TEX9: variants seen among roughly 807,000 people sequenced by gnomAD.
TEX9 encodes the protein testis-expressed protein 9.
TEX9 carries 74 observed loss-of-function variants against 59.6 expected under a neutral mutation model. The observed-to-expected ratio is 1.24, with a 90% CI of 1.03 to 1.51. The LOEUF is 1.51. Among genes scored for constraint, TEX9 ranks in the 40% most tolerant of loss-of-function variants. TEX9 has a pLI of 0.00. For missense variants in TEX9, 522 were observed against 447.8 expected (o/e 1.17, Z -1.49); for synonymous variants, 186 against 152.2 (o/e 1.22, Z -1.64).
chr15:56,315,025 A>T (rs1314634165), intron 1 of TEX9, among the ~76,000 whole-genome samples: 160 of 150,652 alleles, frequency 1.1e-3, no homozygotes, highest in Non-Finnish European at 1.8e-3. Context: ...CCATCCTTTT[A>T]TTTTGAGCCT....
chr15:56,458,557 T>C, the TEX9 span, among the ~76,000 whole-genome samples: 1 of 64,652 alleles, frequency 1.5e-5, no homozygotes, highest in South Asian at 6.9e-4. Context: ...CATATGTATC[T>C]ACCGTACACA....
At chr15:56,438,671 G>A (rs1041502820) in intron 12 of TEX9, among the ~76,000 whole-genome samples, 9 of 152,104 alleles carry the variant, frequency 5.9e-5, no homozygotes, top group South Asian at 2.1e-4. Context: ...AAGAGCTTCC[G>A]CACAGCAAAA....
downstream of TEX9, chr15:56,447,130 T>C: frequency 2.0e-6 from 1 of 512,738 alleles, no homozygotes; most frequent in Non-Finnish European, 3.5e-6. Context: ...GCTTACATTT[T>C]CTGGTTGAAA....
At chr15:56,395,671 T>C (rs149722122) in intron 9 of TEX9, 79 of 152,286 alleles carry the variant, frequency 5.2e-4, no homozygotes, top group African/African-American at 1.8e-3. Flanking sequence ...ATACTGCAAG[T>C]GTAAAAGGGT....
intron 1 of TEX9, among the ~76,000 whole-genome samples, chr15:56,260,937 T>C (rs2044251792): frequency 6.6e-6 from 1 of 151,964 alleles, no homozygotes; most frequent in Non-Finnish European, 1.5e-5. Flanking sequence ...TTTTATTTCT[T>C]TTAATTTTTC....
At position 56,373,524 on chromosome 15, in the gene TEX9, TTAA is replaced by T. The variant is rs767428384; in HGVS notation, c.183+25_183+27del. 7.9e-6 allele frequency: 12 copies of T among 1,514,916 alleles called. No individual in the cohort carries two copies. Among genetic ancestry groups the T allele is most frequent in the Middle Eastern group, 2.2e-4 (1 of 4,532 alleles). The allele number at this position is 1,514,916 out of a possible 1,614,324, so 93.8% of individuals were successfully genotyped here. A position where few individuals can be genotyped will look rare whatever the true frequency, so the allele number is the denominator to read the frequency against. On this transcript the variant is annotated intron_variant, in intron 3 of 12. Transcript: ENST00000352903. Reference sequence around the variant, plus strand: ...ATAATAGTAAGTATATGTACAATTATTAATAATTCTATATAAATGCTAGTTTTT... The same window carrying T: ...ATAATAGTAAGTATATGTACAATTATTAATTCTATATAAATGCTAGTTTTT...
At chr15:56,350,043 C>T (rs1256389662) in intron 1 of TEX9, among the ~76,000 whole-genome samples, 1 of 151,992 alleles carries the variant, frequency 6.6e-6, no homozygotes, top group East Asian at 1.9e-4. Flanking sequence ...TGTCATAGGT[C>T]CCGGTGTCAT....
chr15:56,246,933 T>C (rs370230347), intron 1 of TEX9, among the ~76,000 whole-genome samples: 21 of 152,318 alleles, frequency 1.4e-4, no homozygotes, highest in African/African-American at 4.1e-4. Context: ...TGAAAAGTTA[T>C]AGGTAAACCA....
chr15:56,457,411 C>G, the TEX9 span, among the ~76,000 whole-genome samples: 2 of 152,116 alleles, frequency 1.3e-5, no homozygotes, highest in Non-Finnish European at 1.5e-5. Context: ...ATTGGAATGG[C>G]TAAAACAAAA....
chr15:56,295,623 A>T (rs2141530584), intron 1 of TEX9, among the ~76,000 whole-genome samples: 1 of 152,316 alleles, frequency 6.6e-6, no homozygotes, highest in Admixed American at 6.5e-5. Context: ...TTGCCTTTGT[A>T]CCTAAAGGAG....
intron 9 of TEX9, chr15:56,408,897 C>CT (rs2049208779): frequency 6.6e-6 from 1 of 152,200 alleles, no homozygotes; most frequent in South Asian, 2.1e-4. Flanking sequence ...CAGAGTAATC[C>CT]TTATAAAATT....
rs140768594 is a variant in TEX9 at position 56,269,858 on chromosome 15, G to A, written c.-107+25580G>A. Among the ~76,000 whole-genome samples, 1,446 of 151,862 alleles carry A rather than the reference G, an allele frequency of 9.5e-3. 10 individuals are homozygous for A. The highest frequency in any genetic ancestry group is 0.034 in the Middle Eastern group (10 of 294). On this transcript the variant is annotated intron_variant, in intron 1 of 5. Coordinates refer to the TEX9 transcript ENST00000560827. ...TTTTTAGTAGAGATGGGGTTTCACC[G>A]TGTTAGCCAGGATGGTCTCAAACTC...
chr15:56,393,212 C>T (rs1300975148), intron 7 of TEX9, among the ~76,000 whole-genome samples: 1 of 152,152 alleles, frequency 6.6e-6, no homozygotes, highest in Non-Finnish European at 1.5e-5. Context: ...CTGTCAACTT[C>T]ACCCTTTTTA....
intron 1 of TEX9, among the ~76,000 whole-genome samples, chr15:56,330,723 C>G (rs574329576): frequency 6.6e-6 from 1 of 151,042 alleles, no homozygotes; most frequent in Non-Finnish European, 1.5e-5. Flanking sequence ...CAGAGGAAAT[C>G]ACCATCAAAA....
At chr15:56,278,070 C>G (rs1389543178) in intron 1 of TEX9, among the ~76,000 whole-genome samples, 1 of 151,652 alleles carries the variant, frequency 6.6e-6, no homozygotes, top group Non-Finnish European at 1.5e-5. Flanking sequence ...TTTATAGATT[C>G]TGGTACTGCA....
At chr15:56,434,431 T>C (rs951602086) in intron 12 of TEX9, 6 of 1,569,930 alleles carry the variant, frequency 3.8e-6, no homozygotes, top group Non-Finnish European at 5.2e-6. Flanking sequence ...TTAGTAACTA[T>C]TTCCTTACAC....
At chr15:56,435,533 A>G (rs2050707712) in intron 12 of TEX9, among the ~76,000 whole-genome samples, 1 of 152,054 alleles carries the variant, frequency 6.6e-6, no homozygotes, top group Non-Finnish European at 1.5e-5. Context: ...ATACAGGAAT[A>G]CTACAAATTA....
chr15:56,395,954 C>T (rs551423595), intron 9 of TEX9: 2 of 152,072 alleles, frequency 1.3e-5, no homozygotes, highest in Non-Finnish European at 1.5e-5. Flanking sequence ...TCTAAAGGCA[C>T]AAAAGTTTTA....
intron 1 of TEX9, among the ~76,000 whole-genome samples, chr15:56,316,754 T>G (rs1347472784): frequency 6.6e-6 from 1 of 152,232 alleles, no homozygotes; most frequent in East Asian, 1.9e-4. Context: ...CCAGCCTCGC[T>G]GTCGCCTTGC....
Sources: gnomAD v4.1 joint callset for allele counts (sites outside exome capture counted in the v4.1 genomes callset) on GRCh38, gnomAD v4.1.1 for gene constraint, MANE v1.5 for transcripts, NCBI Gene and HGNC (gene_info 2026-07-23, HGNC 2026-07-21) for gene names.